The following TRPC5 variants were observed in gnomAD, a reference collection of about 807,000 sequenced individuals.
TRPC5 encodes the protein transient receptor potential cation channel subfamily C member 5, also known as short transient receptor potential channel 5.
In TRPC5, 9 loss-of-function variants were observed where a neutral mutation model predicts 56.5. The ratio of observed to expected loss-of-function variants is 0.16; its 90% CI spans 0.10 to 0.28. TRPC5 has a LOEUF of 0.28. Ranked by LOEUF, TRPC5 falls within the 10% of genes least tolerant of loss-of-function variation. TRPC5 has a pLI of 1.00. For missense variants in TRPC5, 469 were observed against 748.9 expected, an observed-to-expected ratio of 0.63 and a Z score of 4.36; for synonymous variants, 282 against 278.5, an observed-to-expected ratio of 1.01 and a Z score of -0.13.
intron 1 of TRPC5, among the ~76,000 whole-genome samples, chrX:112,049,424 C>CAT (rs749716509): frequency 2.4e-4 from 25 of 105,315 alleles, no homozygotes; most frequent in African/African-American, 5.6e-4. Flanking sequence ...TACACACACG[C>CAT]ATATATATAC....
intron 1 of TRPC5, among the ~76,000 whole-genome samples, chrX:112,032,192 GAGATATTACCTC>G (rs1421147856): frequency 9.0e-6 from 1 of 110,553 alleles, no homozygotes; most frequent in East Asian, 2.8e-4. Flanking sequence ...AAACTACAAT[GAGATATTACCTC>G]ACTCCAGTCA....
chrX:111,807,148 G>C (rs1246953644), intron 7 of TRPC5, among the ~76,000 whole-genome samples: 1 of 111,132 alleles, frequency 9.0e-6, no homozygotes, highest in Non-Finnish European at 1.9e-5. Flanking sequence ...TTATTTCTTT[G>C]ACTAAACTTT....
At chrX:111,863,994 T>C (rs1237801694) in intron 3 of TRPC5, among the ~76,000 whole-genome samples, 1 of 111,492 alleles carries the variant, frequency 9.0e-6, no homozygotes, top group Non-Finnish European at 1.9e-5. Context: ...TTCTTTTTTA[T>C]TATTTTTTTT....
intron 1 of TRPC5, among the ~76,000 whole-genome samples, chrX:111,988,284 C>G (rs1326333011): frequency 9.0e-6 from 1 of 111,470 alleles, no homozygotes; most frequent in African/African-American, 3.3e-5. Flanking sequence ...AGAACAAGAA[C>G]CTGCTGACAC....
At chrX:112,051,178 T>C (rs762509560) in intron 1 of TRPC5, among the ~76,000 whole-genome samples, 57 of 112,434 alleles carry the variant, frequency 5.1e-4, no homozygotes, top group African/African-American at 1.8e-3. Context: ...TGCTGTTTCC[T>C]TGGTGCCAGG....
chrX:112,066,395 A>G (rs771497909), intron 1 of TRPC5, among the ~76,000 whole-genome samples: 1 of 111,973 alleles, frequency 8.9e-6, no homozygotes, highest in East Asian at 2.8e-4. Flanking sequence ...GGTGAACCAG[A>G]AAGGTCTGGC....
intron 3 of TRPC5, among the ~76,000 whole-genome samples, chrX:111,877,816 A>G (rs1422174813): frequency 9.0e-6 from 1 of 111,600 alleles, no homozygotes; most frequent in Non-Finnish European, 1.9e-5. Context: ...GGTTGGCTGT[A>G]AAAAGAAACC....
intron 1 of TRPC5, among the ~76,000 whole-genome samples, chrX:112,034,565 T>A (rs1485590881): frequency 1.8e-5 from 2 of 109,754 alleles, no homozygotes; most frequent in Non-Finnish European, 3.8e-5. Context: ...TCTCTGTCCC[T>A]CTCTTAATGT....
intron 1 of TRPC5, among the ~76,000 whole-genome samples, chrX:112,072,394 T>A (rs1930737424): frequency 8.9e-6 from 1 of 112,161 alleles, no homozygotes; most frequent in Non-Finnish European, 1.9e-5. Flanking sequence ...TGTCCTGTTA[T>A]TATGGGATAA....
intron 1 of TRPC5, among the ~76,000 whole-genome samples, chrX:111,970,481 A>T (rs1428484955): frequency 9.0e-6 from 1 of 111,049 alleles, no homozygotes; most frequent in Non-Finnish European, 1.9e-5. Context: ...GGTCAAGCTT[A>T]TTGTTACTCA....
At chrX:111,935,495 T>C (rs185972211) in intron 2 of TRPC5, among the ~76,000 whole-genome samples, 21 of 112,121 alleles carry the variant, frequency 1.9e-4, no homozygotes, top group Non-Finnish European at 3.6e-4. Flanking sequence ...TTGTCTACTG[T>C]TGTTTTAGTT....
intron 1 of TRPC5, among the ~76,000 whole-genome samples, chrX:112,067,912 T>C (rs1930625420): frequency 8.9e-6 from 1 of 112,521 alleles, no homozygotes; most frequent in Non-Finnish European, 1.9e-5. Context: ...CACTTAGATC[T>C]GGGCATTGAT....
chrX:111,797,799 C>T (rs1228484424), intron 7 of TRPC5, among the ~76,000 whole-genome samples: 1 of 111,013 alleles, frequency 9.0e-6, no homozygotes. Flanking sequence ...ACTGTGTTTT[C>T]TTTTATGAGT....
intron 1 of TRPC5, among the ~76,000 whole-genome samples, chrX:111,989,039 T>C (rs191322182): frequency 1.9e-4 from 21 of 111,947 alleles, no homozygotes; most frequent in African/African-American, 6.8e-4. Flanking sequence ...AGGTAATCAA[T>C]AAATGTTCAT....
chrX:111,825,219 CTTCTT>C (rs1922188244), intron 7 of TRPC5, among the ~76,000 whole-genome samples: 1 of 48,873 alleles, frequency 2.0e-5, no homozygotes, highest in Non-Finnish European at 4.0e-5. Context: ...TTCTTTCTTT[CTTCTT>C]TCTTTCTCTC....
intron 2 of TRPC5, 144 bp downstream of exon 2, chrX:111,951,899 C>T: frequency 1.1e-6 from 1 of 916,642 alleles, no homozygotes; most frequent in Non-Finnish European, 1.5e-6. Flanking sequence ...AGGGTAGCTC[C>T]AGGATGCTAC....
At chrX:111,984,769 A>G (rs746487567) in intron 1 of TRPC5, among the ~76,000 whole-genome samples, 6 of 112,524 alleles carry the variant, frequency 5.3e-5, no homozygotes, top group Non-Finnish European at 7.5e-5. Context: ...CAGTTGATAT[A>G]CTCTGAAGTT....
intron 1 of TRPC5, among the ~76,000 whole-genome samples, chrX:112,076,502 A>C (rs1930838088): frequency 9.0e-6 from 1 of 111,730 alleles, no homozygotes; most frequent in Non-Finnish European, 1.9e-5. Context: ...TAAACTGTGC[A>C]ACATGAGCAA....
chrX:111,791,019 CAAAAAAAAAAAAAA>C (rs753897017), intron 7 of TRPC5, among the ~76,000 whole-genome samples: 3 of 9,291 alleles, frequency 3.2e-4, no homozygotes, highest in Non-Finnish European at 4.4e-4. Context: ...GACTCCATCT[CAAAAAAAAAAAAAA>C]AAAAAAAAAA....
Sources: gnomAD v4.1 joint callset for allele counts (sites outside exome capture counted in the v4.1 genomes callset) on GRCh38, gnomAD v4.1.1 for gene constraint, MANE v1.5 for transcripts, NCBI Gene and HGNC (gene_info 2026-07-23, HGNC 2026-07-21) for gene names.